Variants in ADAM12 observed in about 807,000 individuals in gnomAD.
ADAM12 encodes the protein ADAM metallopeptidase domain 12, also known as disintegrin and metalloproteinase domain-containing protein 12.
In ADAM12, 70 loss-of-function variants were observed where a neutral mutation model predicts 106.4. The observed-to-expected ratio is 0.66, with a 90% CI of 0.54 to 0.80. ADAM12 has a LOEUF of 0.80. ADAM12 is among the 30% of genes least tolerant of loss of function. The probability of loss-of-function intolerance (pLI) is 0.00; values close to 1 mark genes in which losing one functional copy is unlikely to be tolerated. For synonymous variants in ADAM12, 420 were observed against 433.5 expected, an observed-to-expected ratio of 0.97 and a Z score of 0.39; for missense variants, 1,010 against 1,171.9, an observed-to-expected ratio of 0.86 and a Z score of 2.02.
At chr10:126,237,043 G>A (rs1231302728) in intron 3 of ADAM12, among the ~76,000 whole-genome samples, 1 of 152,114 alleles carries the variant, frequency 6.6e-6, no homozygotes, top group Non-Finnish European at 1.5e-5. Flanking sequence ...CTCCCTGCCT[G>A]GGCCAGCCTC....
chr10:126,050,893 A>T (rs1261804722), intron 14 of ADAM12, among the ~76,000 whole-genome samples: 1 of 152,240 alleles, frequency 6.6e-6, no homozygotes, highest in Non-Finnish European at 1.5e-5. Flanking sequence ...ATGTTAGAGA[A>T]GCCTCTGCAA....
intron 5 of ADAM12, among the ~76,000 whole-genome samples, chr10:126,119,841 C>A (rs1001750570): frequency 6.6e-6 from 1 of 152,178 alleles, no homozygotes; most frequent in African/African-American, 2.4e-5. Context: ...ACGATGGGAA[C>A]CTCGGCCTGC....
intron 3 of ADAM12, among the ~76,000 whole-genome samples, chr10:126,169,389 TC>T (rs1221338028): frequency 2.0e-5 from 3 of 152,190 alleles, no homozygotes; most frequent in Non-Finnish European, 4.4e-5. Context: ...GAGGTATGTT[TC>T]CCCCATTAGG....
chr10:126,056,231 C>T (rs1954628038), intron 14 of ADAM12, among the ~76,000 whole-genome samples: 1 of 152,198 alleles, frequency 6.6e-6, no homozygotes, highest in Non-Finnish European at 1.5e-5. Flanking sequence ...GATGCCATAT[C>T]ATACTTTACC....
Position 126,066,980 on chromosome 10 carries a change from T to C in ADAM12, c.1324-174A>G, listed in dbSNP as rs1954885194. 1 of 609,868 alleles carries C rather than the reference T, an allele frequency of 1.6e-6. No homozygotes were observed. The highest frequency in any genetic ancestry group is 2.9e-6 in the Non-Finnish European group (1 of 341,586). 37.8% of individuals were successfully genotyped at this position (609,868 alleles called of 1,614,324 possible). A position where few individuals can be genotyped will look rare whatever the true frequency, so the allele number is the denominator to read the frequency against. On this transcript the variant is annotated intron_variant, in intron 12 of 22. Coordinates refer to ENST00000448723, the MANE Select transcript of ADAM12 (RefSeq NM_001288973.2). The surrounding 1 kb of genome is among the most constrained non-coding windows in gnomAD (Gnocchi z 5.1). Reference sequence around the variant, plus strand: ...AGGAAAGCAAAGCTTCTGCTTTTTATGAACCAACTGGGTCTACGAGTCCCT... The same window carrying C: ...AGGAAAGCAAAGCTTCTGCTTTTTACGAACCAACTGGGTCTACGAGTCCCT...
chr10:126,373,394 C>T (rs1206978878), intron 1 of ADAM12, among the ~76,000 whole-genome samples: 2 of 152,216 alleles, frequency 1.3e-5, no homozygotes. Flanking sequence ...GCACATCTCA[C>T]CCCTGCAGCT....
intron 3 of ADAM12, among the ~76,000 whole-genome samples, chr10:126,241,960 A>T (rs1958533607): frequency 6.8e-6 from 1 of 147,014 alleles, no homozygotes; most frequent in Non-Finnish European, 1.5e-5. Context: ...TGTAAAACAG[A>T]GCTTTTTTTT....
chr10:126,272,898 A>T (rs554099256), intron 3 of ADAM12: 1 of 286,584 alleles, frequency 3.5e-6, no homozygotes, highest in East Asian at 1.1e-4. Flanking sequence ...AATCTAGAAA[A>T]CTTGTTCTCT....
At chr10:126,210,701 C>T (rs1228769158) in intron 3 of ADAM12, among the ~76,000 whole-genome samples, 1 of 152,106 alleles carries the variant, frequency 6.6e-6, no homozygotes, top group Non-Finnish European at 1.5e-5. Context: ...AGCCATATGC[C>T]TAGGGAAAGG....
intron 2 of ADAM12, among the ~76,000 whole-genome samples, chr10:126,288,959 A>T (rs899360243): frequency 2.6e-5 from 4 of 151,132 alleles, no homozygotes; most frequent in Admixed American, 2.6e-4. Flanking sequence ...AGCCCTGAGG[A>T]TAGGACCACA....
intron 2 of ADAM12, among the ~76,000 whole-genome samples, chr10:126,284,386 A>G (rs910819901): frequency 3.3e-5 from 5 of 149,322 alleles, no homozygotes; most frequent in African/African-American, 1.2e-4. Flanking sequence ...TATCTGTAGC[A>G]GCCATGTGGA....
intron 6 of ADAM12, among the ~76,000 whole-genome samples, chr10:126,117,350 C>T (rs117949850): frequency 5.3e-5 from 8 of 152,308 alleles, no homozygotes; most frequent in Non-Finnish European, 1.2e-4. Flanking sequence ...ACTACTCTTT[C>T]CAGTGCTGCT....
intron 2 of ADAM12, among the ~76,000 whole-genome samples, chr10:126,304,679 G>A (rs899458433): frequency 2.6e-5 from 4 of 151,886 alleles, no homozygotes; most frequent in African/African-American, 9.7e-5. Flanking sequence ...ATAAAGTTAA[G>A]CCACAGTGTT....
At position 126,382,617 on chromosome 10, in the gene ADAM12, C is replaced by T. The variant is rs570734077; in HGVS notation, c.88+5441G>A. Among the ~76,000 whole-genome samples, 13 of 152,244 alleles carry T rather than the reference C, an allele frequency of 8.5e-5. No homozygotes were observed. In the East Asian group the frequency reaches 2.5e-3, roughly 30 times the overall value. On this transcript the variant is annotated intron_variant, in intron 1 of 22. Transcript: ENST00000448723. ...GACGTCTCTCAGCAAAATGAATGTT[C>T]ATCAGTCAGTAAATCCATCTGTGGA...
intron 21 of ADAM12, among the ~76,000 whole-genome samples, chr10:126,026,731 AAG>A (rs770281627): frequency 1.3e-5 from 2 of 152,238 alleles, no homozygotes; most frequent in Non-Finnish European, 2.9e-5. Context: ...AATGAGAACA[AAG>A]AGCCAACATA....
intron 11 of ADAM12, among the ~76,000 whole-genome samples, chr10:126,086,670 AAAAAAAAAAAATATATAT>A (rs1416330298): frequency 1.7e-4 from 7 of 41,490 alleles, no homozygotes; most frequent in African/African-American, 1.4e-3. Flanking sequence ...AAAAAAAAAA[AAAAAAAAAAAATATATAT>A]ATATATATAT....
intron 5 of ADAM12, among the ~76,000 whole-genome samples, chr10:126,132,824 TC>T (rs916429083): frequency 1.3e-5 from 2 of 151,896 alleles, no homozygotes; most frequent in Admixed American, 6.6e-5. Flanking sequence ...TCCCAGAGTA[TC>T]CATTTTGAAT....
intron 1 of ADAM12, 54 bp from the exon 2 acceptor site, chr10:126,330,563 C>A: frequency 6.7e-7 from 1 of 1,483,332 alleles, no homozygotes; most frequent in Non-Finnish European, 9.3e-7. Flanking sequence ...AAGAGTTTGG[C>A]ATCAGAAGCT....
At chr10:126,027,819 T>A (rs944217667) in intron 21 of ADAM12, among the ~76,000 whole-genome samples, 1 of 152,094 alleles carries the variant, frequency 6.6e-6, no homozygotes, top group African/African-American at 2.4e-5. Context: ...CTCTCACCAC[T>A]CCTAGTCAAC....
Sources: gnomAD v4.1 joint callset for allele counts (sites outside exome capture counted in the v4.1 genomes callset) on GRCh38, gnomAD v4.1.1 for gene constraint, Gnocchi (gnomAD v3.1) non-coding constraint, MANE v1.5 for transcripts, NCBI Gene and HGNC (gene_info 2026-07-23, HGNC 2026-07-21) for gene names.